Variants in MTA3 observed in about 807,000 individuals in gnomAD.
MTA3 encodes metastasis-associated protein MTA3.
Under a neutral mutation model 83.5 loss-of-function variants are expected in MTA3, and 34 were observed. That is an observed-to-expected ratio of 0.41 (90% confidence interval 0.31 to 0.54). The LOEUF is 0.54. Among genes scored for constraint, MTA3 ranks in the 20% least tolerant of loss-of-function variants. The pLI is 0.33. For synonymous variants in MTA3, 303 were observed against 252.7 expected, an observed-to-expected ratio of 1.20 and a Z score of -1.89; for missense variants, 761 against 726.4, an observed-to-expected ratio of 1.05 and a Z score of -0.55.
At chr2:42,683,682 C>T (rs563555598) in intron 9 of MTA3, among the ~76,000 whole-genome samples, 18 of 152,204 alleles carry the variant, frequency 1.2e-4, no homozygotes, top group Non-Finnish European at 1.8e-4. Context: ...ATAAGAAGTA[C>T]GCTACCTAGA....
chr2:42,558,700 G>A (rs938403077), intron 2 of MTA3, among the ~76,000 whole-genome samples: 4 of 149,392 alleles, frequency 2.7e-5, no homozygotes, highest in African/African-American at 9.8e-5. Flanking sequence ...TGCACACGCT[G>A]CCACGCCCCG....
At chr2:42,494,778 C>A (rs902545081) in exon 1 of MTA3, 4 of 152,496 alleles carry the variant, frequency 2.6e-5, no homozygotes, top group Non-Finnish European at 4.4e-5. Context: ...TCGTCTGCAT[C>A]CTCCTTTTCA....
Position 42,583,139 on chromosome 2 carries a change from A to G in MTA3, c.190+3939A>G, listed in dbSNP as rs114653271. 5.5e-3 allele frequency among the ~76,000 whole-genome samples: 831 copies of G among 152,320 alleles called. 5 individuals are homozygous for G. The highest frequency in any genetic ancestry group is 7.7e-3 in the Non-Finnish European group (521 of 68,028). On this transcript the variant is annotated intron_variant, in intron 3 of 16. Coordinates refer to ENST00000405094, the MANE Select transcript of MTA3 (RefSeq NM_001330442.2). ...ATTATGACATAAGGAACAACTCATA[A>G]TGGGTGTGTAGTAAATGTCAGATGG...
intron 4 of MTA3, among the ~76,000 whole-genome samples, chr2:42,630,087 A>C (rs1686526904): frequency 6.6e-6 from 1 of 152,160 alleles, no homozygotes; most frequent in African/African-American, 2.4e-5. Context: ...AAAACAATTT[A>C]AGCGATCCTT....
intron 2 of MTA3, among the ~76,000 whole-genome samples, chr2:42,501,343 C>G (rs1376977505): frequency 6.6e-6 from 1 of 152,082 alleles, no homozygotes; most frequent in Non-Finnish European, 1.5e-5. Context: ...TCTTCCTTTC[C>G]TAGTAGAGAA....
At chr2:42,651,800 A>C (rs1340246504) in intron 6 of MTA3, among the ~76,000 whole-genome samples, 2 of 141,008 alleles carry the variant, frequency 1.4e-5, no homozygotes, top group African/African-American at 5.3e-5. Flanking sequence ...ACCTTGTCTC[A>C]AAAAAAAAAA....
At chr2:42,742,365 C>T (rs962921710) in intron 16 of MTA3, among the ~76,000 whole-genome samples, 1 of 152,158 alleles carries the variant, frequency 6.6e-6, no homozygotes, top group African/African-American at 2.4e-5. Flanking sequence ...TCTCAAGTGC[C>T]TGACCTTAGG....
At chr2:42,541,554 AT>A (rs1048167833) in intron 2 of MTA3, among the ~76,000 whole-genome samples, 4 of 152,154 alleles carry the variant, frequency 2.6e-5, no homozygotes, top group East Asian at 1.9e-4. Context: ...GTAGACTACT[AT>A]GTGTTCTGAG....
chr2:42,637,928 A>C (rs1573418045), intron 4 of MTA3, among the ~76,000 whole-genome samples: 1 of 152,304 alleles, frequency 6.6e-6, no homozygotes, highest in East Asian at 1.9e-4. Context: ...GTTAACCCTT[A>C]AAAGTCAAGG....
chr2:42,626,524 C>T (rs921165663), intron 4 of MTA3, among the ~76,000 whole-genome samples: 1 of 151,678 alleles, frequency 6.6e-6, no homozygotes, highest in Non-Finnish European at 1.5e-5. Context: ...TCTCGAACTC[C>T]TGACCTCGTG....
intron 4 of MTA3, among the ~76,000 whole-genome samples, chr2:42,639,965 C>G (rs1687557656): frequency 6.6e-6 from 1 of 152,108 alleles, no homozygotes; most frequent in South Asian, 2.1e-4. Flanking sequence ...AGGCTAGCCT[C>G]TCAAGAAATG....
intron 8 of MTA3, among the ~76,000 whole-genome samples, chr2:42,679,895 T>C (rs1237074591): frequency 1.3e-5 from 2 of 152,020 alleles, no homozygotes; most frequent in African/African-American, 4.8e-5. Flanking sequence ...ACAATTTACA[T>C]TGAGTATTTA....
At chr2:42,525,883 C>T (rs1675688559) in intron 2 of MTA3, among the ~76,000 whole-genome samples, 2 of 151,808 alleles carry the variant, frequency 1.3e-5, no homozygotes, top group South Asian at 4.2e-4. Context: ...TGGTCTCAAA[C>T]TCCTGAGCTC....
At chr2:42,622,428 G>T (rs1056667768) in intron 4 of MTA3, among the ~76,000 whole-genome samples, 1 of 151,326 alleles carries the variant, frequency 6.6e-6, no homozygotes, top group Admixed American at 6.6e-5. Flanking sequence ...GAGGGGGAGG[G>T]GGAGGGAGAG....
At chr2:42,644,449 C>T (rs759470699) in intron 6 of MTA3, among the ~76,000 whole-genome samples, 1 of 152,184 alleles carries the variant, frequency 6.6e-6, no homozygotes, top group Non-Finnish European at 1.5e-5. Context: ...TGGTCTTGAT[C>T]TCCTGGCCTC....
At chr2:42,568,824 G>C (rs1393040596) in intron 1 of MTA3, 51 bp downstream of exon 1, 4 of 1,210,570 alleles carry the variant, frequency 3.3e-6, no homozygotes, top group Middle Eastern at 6.0e-4. Context: ...TTCCGGGAGC[G>C]GGGGGCCGGG....
intron 2 of MTA3, among the ~76,000 whole-genome samples, chr2:42,563,090 C>G (rs557584531): frequency 3.3e-5 from 5 of 152,158 alleles, no homozygotes; most frequent in Non-Finnish European, 5.9e-5. Context: ...CTAGGCCAGA[C>G]CACCACCCCT....
At chr2:42,691,107 C>A (rs1025800804) in intron 9 of MTA3, among the ~76,000 whole-genome samples, 6 of 151,974 alleles carry the variant, frequency 3.9e-5, no homozygotes, top group Non-Finnish European at 8.8e-5. Flanking sequence ...GAACTCCTGG[C>A]CTCAAGCAAT....
At chr2:42,648,488 C>T (rs1433176728) in intron 6 of MTA3, among the ~76,000 whole-genome samples, 1 of 152,180 alleles carries the variant, frequency 6.6e-6, no homozygotes, top group African/African-American at 2.4e-5. Flanking sequence ...ATGTTACAGG[C>T]TTGCTTTCTT....
Sources: gnomAD v4.1 joint callset for allele counts (sites outside exome capture counted in the v4.1 genomes callset) on GRCh38, gnomAD v4.1.1 for gene constraint, MANE v1.5 for transcripts, NCBI Gene and HGNC (gene_info 2026-07-23, HGNC 2026-07-21) for gene names.